The following MRTFB variants were observed in gnomAD, a reference collection of about 807,000 sequenced individuals.
MRTFB encodes the protein myocardin related transcription factor B.
A neutral mutation model predicts 104.2 loss-of-function variants in MRTFB; 29 were observed. The observed-to-expected ratio is 0.28, with a 90% CI of 0.21 to 0.38. The LOEUF (loss-of-function observed/expected upper bound fraction) is 0.38, where lower values mean the gene tolerates loss of function less well. Among genes scored for constraint, MRTFB ranks in the 10% least tolerant of loss-of-function variants. The probability of loss-of-function intolerance (pLI) is 1.00; values close to 1 mark genes in which losing one functional copy is unlikely to be tolerated. For missense variants in MRTFB, 1,270 were observed against 1,341.6 expected, an observed-to-expected ratio of 0.95 and a Z score of 0.83; for synonymous variants, 535 against 519.5, an observed-to-expected ratio of 1.03 and a Z score of -0.41.
chr16:14,098,570 A>G (rs2035524553), intron 2 of MRTFB, among the ~76,000 whole-genome samples: 1 of 152,160 alleles, frequency 6.6e-6, no homozygotes, highest in Admixed American at 6.5e-5. Context: ...ATAAAGTTCA[A>G]TTTATCAATT....
chr16:14,236,234 G>A (rs1212904932), intron 9 of MRTFB, among the ~76,000 whole-genome samples: 1 of 152,170 alleles, frequency 6.6e-6, no homozygotes, highest in African/African-American at 2.4e-5. Context: ...GAAATAAGAA[G>A]GTAAATAGCT....
chr16:14,120,143 T>C (rs2036768775), intron 2 of MRTFB, among the ~76,000 whole-genome samples: 3 of 152,232 alleles, frequency 2.0e-5, no homozygotes, highest in Non-Finnish European at 2.9e-5. Flanking sequence ...TATGTTCTTT[T>C]TCTTATGTAT....
chr16:14,135,504 G>A (rs901400451), intron 2 of MRTFB, among the ~76,000 whole-genome samples: 1 of 152,226 alleles, frequency 6.6e-6, no homozygotes, highest in African/African-American at 2.4e-5. Context: ...GCCTAGGAGT[G>A]TAGTAGACTG....
chr16:14,163,026 G>A (rs981513488), intron 3 of MRTFB, among the ~76,000 whole-genome samples: 2 of 151,912 alleles, frequency 1.3e-5, no homozygotes, highest in African/African-American at 4.8e-5. Flanking sequence ...AAACATCAAC[G>A]TATTTATTCA....
intron 3 of MRTFB, among the ~76,000 whole-genome samples, chr16:14,187,531 C>A (rs760119204): frequency 6.6e-6 from 1 of 152,176 alleles, no homozygotes; most frequent in East Asian, 1.9e-4. Flanking sequence ...GGTTGTAATG[C>A]GCATTGCATC....
At chr16:14,027,528 G>T in the MRTFB span, among the ~76,000 whole-genome samples, 4 of 152,174 alleles carry the variant, frequency 2.6e-5, no homozygotes. Flanking sequence ...TAAAATGAAT[G>T]CATGTAAACA....
intron 2 of MRTFB, among the ~76,000 whole-genome samples, chr16:14,132,439 G>T (rs1178483324): frequency 6.6e-6 from 1 of 152,092 alleles, no homozygotes; most frequent in Non-Finnish European, 1.5e-5. Context: ...TATTTTGAAG[G>T]ACTTTGATAA....
At chr16:14,035,802 T>A in the MRTFB span, among the ~76,000 whole-genome samples, 3 of 152,106 alleles carry the variant, frequency 2.0e-5, no homozygotes, top group East Asian at 3.9e-4. Context: ...AGTGGTGATT[T>A]GTGAGATTTT....
the MRTFB span, among the ~76,000 whole-genome samples, chr16:14,016,716 C>T: frequency 3.4e-4 from 46 of 136,228 alleles, 1 homozygote; most frequent in Non-Finnish European, 6.4e-4. Flanking sequence ...GAGGTTGCGG[C>T]GAGCCGAGAT....
At position 14,252,398 on chromosome 16, in the gene MRTFB, G is replaced by A. The variant is rs143400741; in HGVS notation, c.2599G>A (p.Val867Ile). 2.2e-4 allele frequency: 361 copies of A among 1,613,014 alleles called. 3 individuals are homozygous for A. The highest frequency in any genetic ancestry group is 1.8e-3 in the Middle Eastern group (11 of 6,062). Residue 867 changes from valine (V) to isoleucine (I), a missense_variant, in exon 15 of 17, where the codon GTC (valine) becomes ATC (isoleucine). Around this residue, in one of 3 missense-constraint regions of MRTFB, gnomAD observed 1,144 missense variants for 1,131.5 expected, o/e 1.01. Transcript: ENST00000571589. Reference sequence around the variant, plus strand: ...ACCCCCGCCACCCCAGCAATTTGTCGTCCAGCACTCTCTATTTGGGAGTCC... The same window carrying A: ...ACCCCCGCCACCCCAGCAATTTGTCATCCAGCACTCTCTATTTGGGAGTCC... ...SSPPPPQQFV[V>I]QHSLFGSPVA... is the part of the protein sequence containing the mutation.
the MRTFB span, among the ~76,000 whole-genome samples, chr16:14,051,142 T>C: frequency 6.7e-6 from 1 of 148,224 alleles, no homozygotes; most frequent in Non-Finnish European, 1.5e-5. Flanking sequence ...AAAGACACAC[T>C]GAAGCAGACA....
At chr16:14,075,420 T>C (rs1000420524) in intron 1 of MRTFB, among the ~76,000 whole-genome samples, 6 of 152,256 alleles carry the variant, frequency 3.9e-5, no homozygotes, top group Non-Finnish European at 8.8e-5. Context: ...GACCAGAATT[T>C]GCATTTTAAA....
At chr16:14,098,757 G>A (rs1472859511) in intron 2 of MRTFB, among the ~76,000 whole-genome samples, 1 of 152,130 alleles carries the variant, frequency 6.6e-6, no homozygotes, top group Non-Finnish European at 1.5e-5. Context: ...TTTAGTTGTT[G>A]CATGTGGTGA....
chr16:14,114,368 A>T (rs755736558), intron 2 of MRTFB, among the ~76,000 whole-genome samples: 13 of 152,350 alleles, frequency 8.5e-5, no homozygotes, highest in South Asian at 2.1e-4. Context: ...GTTTTAATAC[A>T]TGGAAGGATT....
chr16:14,048,918 C>A, the MRTFB span, among the ~76,000 whole-genome samples: 1 of 152,210 alleles, frequency 6.6e-6, no homozygotes, highest in African/African-American at 2.4e-5. Context: ...TTGGGTTGAA[C>A]TGGACAGAGG....
chr16:14,072,546 G>A (rs1189872122), intron 1 of MRTFB, among the ~76,000 whole-genome samples: 1 of 152,212 alleles, frequency 6.6e-6, no homozygotes, highest in African/African-American at 2.4e-5. Context: ...TTAGCGTGGT[G>A]TGGTGGCGCA....
intron 2 of MRTFB, among the ~76,000 whole-genome samples, chr16:14,084,412 C>T (rs1428399528): frequency 4.6e-5 from 7 of 152,138 alleles, no homozygotes; most frequent in South Asian, 2.1e-4. Flanking sequence ...TGGTGGCTCA[C>T]ACCTGTAGTC....
At chr16:14,121,129 C>T (rs2036824317) in intron 2 of MRTFB, among the ~76,000 whole-genome samples, 1 of 151,328 alleles carries the variant, frequency 6.6e-6, no homozygotes, top group African/African-American at 2.4e-5. Context: ...TGTGAGTGTT[C>T]TTTGCTTTGG....
At chr16:14,162,618 G>T (rs2039084664) in intron 3 of MRTFB, among the ~76,000 whole-genome samples, 1 of 152,182 alleles carries the variant, frequency 6.6e-6, no homozygotes, top group South Asian at 2.1e-4. Flanking sequence ...GGCAAAGGCA[G>T]CTAATCACTA....
Sources: allele counts gnomAD v4.1 joint callset (sites outside exome capture counted in the v4.1 genomes callset), GRCh38; gene constraint gnomAD v4.1.1; regional missense constraint gnomAD v4.1.1; transcripts MANE v1.5; gene names NCBI Gene and HGNC (gene_info 2026-07-23, HGNC 2026-07-21).